The following NLRC5 variants were observed in gnomAD, a reference collection of about 807,000 sequenced individuals.
NLRC5 encodes the protein NLR family CARD domain containing 5.
In NLRC5, 114 loss-of-function variants were observed where a neutral mutation model predicts 206.9. The ratio of observed to expected loss-of-function variants is 0.55; its 90% confidence interval spans 0.47 to 0.64. NLRC5 has a LOEUF of 0.64. Ranked by LOEUF, NLRC5 falls within the 30% of genes least tolerant of loss-of-function variation. NLRC5 has a pLI of 0.00. For synonymous variants in NLRC5, 952 were observed against 962.8 expected, an observed-to-expected ratio of 0.99 and a Z score of 0.21; for missense variants, 2,008 against 2,305.5, an observed-to-expected ratio of 0.87 and a Z score of 2.64.
chr16:57,012,157 T>G (rs76933585), intron 1 of NLRC5, among the ~76,000 whole-genome samples: 1,836 of 152,094 alleles, frequency 0.012, 18 homozygotes, highest in Non-Finnish European at 0.019. Context: ...ATACGTGATC[T>G]TTAGTGATCT....
intron 1 of NLRC5, among the ~76,000 whole-genome samples, chr16:56,998,230 A>T (rs289737): frequency 6.7e-6 from 1 of 150,040 alleles, no homozygotes; most frequent in Non-Finnish European, 1.5e-5. Flanking sequence ...AAAATGTATT[A>T]ATTCTAAACC....
chr16:57,069,886 G>C lies in NLRC5; in HGVS notation c.4550G>C (p.Gly1517Ala). 1 of 1,593,518 alleles carries C rather than the reference G, an allele frequency of 6.3e-7. No homozygotes were observed. The highest frequency in any genetic ancestry group is 8.5e-7 in the Non-Finnish European group (1 of 1,170,678). Residue 1517 changes from glycine (G) to alanine (A), a missense_variant, in exon 37 of 49, where the codon GGT becomes GCT. Physicochemically the swap from Gly to Ala is moderately conservative, Grantham distance 60. Transcript: ENST00000688547. The part of the protein sequence containing the change: ...STEGLAHLAS[G>A]LGHCHHLEEL... Reference sequence around the variant, plus strand: ...GAGGGCCTCGCCCACCTGGCATCTGGTCTGGGCCACTGCCACCACTTGGAG... The same window carrying C: ...GAGGGCCTCGCCCACCTGGCATCTGCTCTGGGCCACTGCCACCACTTGGAG...
At chr16:57,079,683 G>T (rs1400825087) in intron 46 of NLRC5, 54 bp downstream of exon 46, 2 of 1,509,864 alleles carry the variant, frequency 1.3e-6, no homozygotes, top group Non-Finnish European at 9.2e-7. Flanking sequence ...GTCGGGAGGG[G>T]TCGGGGGAGT....
rs776056703 is a variant in NLRC5 at position 57,067,410 on chromosome 16, C to G, written c.4346C>G (p.Ala1449Gly). The stretch of plus-strand genomic sequence containing the variant: ...AGGTTGGCTCACTGTGACCTTGGAG[C>G]CCACCACAGCCTTCTTGTCGGGCAG... ...ALRLAHCDLGAHHSLLVGQLM... is the reference protein window; with the variant it reads ...ALRLAHCDLGGHHSLLVGQLM... Residue 1449 changes from alanine (A) to glycine (G), a missense_variant, in exon 35 of 49, where the codon GCC becomes GGC. Transcript: ENST00000688547. 2.4e-5 allele frequency: 38 copies of G among 1,614,094 alleles called. No individual in the cohort carries two copies. Among genetic ancestry groups the G allele is most frequent in the Non-Finnish European group, 3.1e-5 (36 of 1,180,024 alleles).
chr16:57,069,456 A>T (rs1446754878), intron 36 of NLRC5, among the ~76,000 whole-genome samples: 1 of 152,192 alleles, frequency 6.6e-6, no homozygotes, highest in East Asian at 1.9e-4. Context: ...AATAAATAAA[A>T]TAAATGTTTA....
At chr16:57,078,466 GTTT>G (rs71383218) in intron 43 of NLRC5, among the ~76,000 whole-genome samples, 28 of 92,198 alleles carry the variant, frequency 3.0e-4, no homozygotes, top group South Asian at 2.9e-3. Flanking sequence ...CTGGGACCTT[GTTT>G]TTTTTTTTTT....
intron 30 of NLRC5, among the ~76,000 whole-genome samples, chr16:57,060,915 G>T (rs1311414427): frequency 6.6e-6 from 1 of 152,216 alleles, no homozygotes; most frequent in Non-Finnish European, 1.5e-5. Flanking sequence ...GCCACCCAGG[G>T]CTGAGATGCC....
At chr16:57,029,402 A>G (rs1459921327) in intron 8 of NLRC5, among the ~76,000 whole-genome samples, 1 of 152,146 alleles carries the variant, frequency 6.6e-6, no homozygotes, top group East Asian at 1.9e-4. Flanking sequence ...CGATGTCTGC[A>G]GCGTCCCAGT....
intron 27 of NLRC5, 78 bp from the exon 28 acceptor site, chr16:57,057,987 C>A: frequency 8.6e-7 from 1 of 1,156,298 alleles, no homozygotes; most frequent in Non-Finnish European, 1.3e-6. Context: ...ACAGTGGATG[C>A]AGGCTCCTGG....
chr16:57,009,354 G>T (rs1416591723), intron 1 of NLRC5, among the ~76,000 whole-genome samples: 2 of 151,784 alleles, frequency 1.3e-5, no homozygotes, highest in Non-Finnish European at 2.9e-5. Context: ...AGCACTTTGG[G>T]AGGCCGAGGT....
At chr16:57,027,781 A>G (rs1489481606) in intron 6 of NLRC5, among the ~76,000 whole-genome samples, 1 of 152,212 alleles carries the variant, frequency 6.6e-6, no homozygotes, top group Non-Finnish European at 1.5e-5. Context: ...TGAAACTAGG[A>G]TACATCCCTT....
chr16:57,040,630 C>G lies in NLRC5; in HGVS notation c.2871-20C>G. 1 of 1,613,488 alleles carries G rather than the reference C, an allele frequency of 6.2e-7. No homozygotes were observed. The highest frequency in any genetic ancestry group is 8.5e-7 in the Non-Finnish European group (1 of 1,179,446). ...CGGACATGGCCTTTGCTCAGCCTGG[C>G]CTTGGTGATGTCCCTCCAGGGCTGC... is the stretch of plus-strand genomic sequence containing the variant. On this transcript the variant is annotated intron_variant, in intron 16 of 48. Transcript: ENST00000688547.
chr16:57,080,895 A>G (rs2069050133), intron 46 of NLRC5: 2 of 549,078 alleles, frequency 3.6e-6, no homozygotes, highest in East Asian at 3.1e-5. Context: ...CATGATTCAA[A>G]CTTGACGGGG....
intron 10 of NLRC5, among the ~76,000 whole-genome samples, chr16:57,030,438 A>AGATGGATGGATG (rs71152231): frequency 0.13 from 11,632 of 89,402 alleles, 1,923 homozygotes; most frequent in African/African-American, 0.18. Context: ...GTGGATGAAA[A>AGATGGATGGATG]GATGGATGGA....
chr16:57,021,222 A>C, intron 3 of NLRC5: 1 of 484,780 alleles, frequency 2.1e-6, no homozygotes, highest in Non-Finnish European at 3.7e-6. Context: ...CTTCACTCGA[A>C]TTGCTCGAAT....
chr16:57,067,185 G>A (rs1597425657), intron 34 of NLRC5, among the ~76,000 whole-genome samples: 4 of 152,134 alleles, frequency 2.6e-5, no homozygotes, highest in African/African-American at 7.2e-5. Context: ...GTCCTTGTGC[G>A]GTGAACAACC....
At position 56,997,448 on chromosome 16, in the gene NLRC5, CA is replaced by C. The variant is rs370441451; in HGVS notation, c.-128+7832del. 4.8e-3 allele frequency among the ~76,000 whole-genome samples: 726 copies of C among 152,250 alleles called. 2 individuals are homozygous for C. Among genetic ancestry groups the C allele is most frequent in the African/African-American group, 0.017 (703 of 41,538 alleles). ...GTGAAGTAAATGTAAAATCACCACC[CA>C]GATGAGGAAAACAGTGGCACAGAGA... On this transcript the variant is annotated intron_variant, in intron 1 of 48. Coordinates refer to ENST00000688547, the MANE Select transcript of NLRC5 (RefSeq NM_001384950.1).
chr16:57,063,929 G>A (rs1441105388), intron 32 of NLRC5, among the ~76,000 whole-genome samples: 12 of 151,380 alleles, frequency 7.9e-5, no homozygotes, highest in Non-Finnish European at 1.6e-4. Flanking sequence ...TAGTAGAGAC[G>A]GGGTTTCACC....
In NLRC5 at chr16:57,026,404, T is replaced by G; in HGVS notation, c.1461T>G (p.Phe487Leu). ...AKDIAPPLIAFGATHSLLTSF... is the reference protein window; with the variant it reads ...AKDIAPPLIALGATHSLLTSF... ...ATATTGCTCCACCCTTGATAGCTTT[T>G]GGGGCCACTCACAGCCTGCTGACTT... Residue 487 changes from phenylalanine (F) to leucine (L), a missense_variant, in exon 6 of 49, where the codon TTT (phenylalanine) becomes TTG (leucine). Physicochemically the swap from Phe to Leu is conservative, Grantham distance 22. Transcript: ENST00000688547. 2 of 1,614,144 alleles carry G rather than the reference T, an allele frequency of 1.2e-6. No homozygotes were observed. The highest frequency in any genetic ancestry group is 1.7e-6 in the Non-Finnish European group (2 of 1,180,042).
Sources: gnomAD v4.1 joint callset for allele counts (sites outside exome capture counted in the v4.1 genomes callset) on GRCh38, gnomAD v4.1.1 for gene constraint, MANE v1.5 for transcripts, NCBI Gene and HGNC (gene_info 2026-07-23, HGNC 2026-07-21) for gene names.